CHL1: variants seen among roughly 807,000 people sequenced by gnomAD.
CHL1 encodes cell adhesion molecule L1 like, also known as neural cell adhesion molecule L1-like protein.
Under a neutral mutation model 141.9 loss-of-function variants are expected in CHL1, and 96 were observed. The ratio of observed to expected loss-of-function variants is 0.68; its 90% CI spans 0.57 to 0.80. The LOEUF is 0.80. Ranked by LOEUF, CHL1 falls within the 30% of genes least tolerant of loss-of-function variation. The probability of loss-of-function intolerance (pLI) is 0.00; values close to 1 mark genes in which losing one functional copy is unlikely to be tolerated. For synonymous variants in CHL1, 613 were observed against 502.2 expected (o/e 1.22, Z -2.95); for missense variants, 1,820 against 1,457.2 (o/e 1.25, Z -4.05).
chr3:230,124 G>C (rs1701731532), intron 1 of CHL1, among the ~76,000 whole-genome samples: 3 of 152,168 alleles, frequency 2.0e-5, no homozygotes, highest in Admixed American at 1.3e-4. Context: ...TCTGTTACCA[G>C]AGCTTCAAAA....
chr3:204,756 C>T (rs986821394), intron 1 of CHL1, among the ~76,000 whole-genome samples: 1 of 152,060 alleles, frequency 6.6e-6, no homozygotes, highest in African/African-American at 2.4e-5. Context: ...ATACTGGATG[C>T]TGCATTTCCA....
chr3:337,523 C>G lies in CHL1; in HGVS notation c.386-3271C>G, dbSNP rs544221844. ...CAATGCTATCCCTCCCCTCTCCCCC[C>G]ACCCCACAACAGGCCCCGGTGTGTG... On this transcript the variant is annotated intron_variant, in intron 5 of 27. Coordinates refer to ENST00000256509, the MANE Select transcript of CHL1 (RefSeq NM_006614.4). Among the ~76,000 whole-genome samples the G allele has an allele frequency of 6.6e-5, 10 of 151,384 alleles. No homozygotes were observed. In the East Asian group the frequency reaches 1.2e-3, roughly 18 times the overall value.
chr3:384,830 T>G (rs565662738), intron 19 of CHL1, among the ~76,000 whole-genome samples: 2 of 152,350 alleles, frequency 1.3e-5, no homozygotes, highest in East Asian at 3.9e-4. Flanking sequence ...GGGAGAATTT[T>G]AGAATGCACA....
At chr3:345,268 G>T (rs942234053) in intron 9 of CHL1, among the ~76,000 whole-genome samples, 1 of 151,822 alleles carries the variant, frequency 6.6e-6, no homozygotes, top group African/African-American at 2.4e-5. Context: ...CCCCACTCCT[G>T]TTTGCTATGT....
rs572952748 is a variant in CHL1 at position 340,723 on chromosome 3, A to C, written c.386-71A>C. 3.0e-5 allele frequency: 37 copies of C among 1,248,824 alleles called. No homozygotes were observed. In the African/African-American group the frequency reaches 4.8e-4, roughly 16 times the overall value. 77.4% of individuals were successfully genotyped at this position (1,248,824 alleles called of 1,614,324 possible). A position where few individuals can be genotyped will look rare whatever the true frequency, so the allele number is the denominator to read the frequency against. ...TTGCTGAATTTTGAAAAAAAAGAAC[A>C]TATTAAGATATTTGTTGTTATAGTC... On this transcript the variant is annotated intron_variant, in intron 5 of 27. Transcript: ENST00000256509.
chr3:300,370 G>C (rs1336079524), intron 2 of CHL1, among the ~76,000 whole-genome samples: 1 of 152,122 alleles, frequency 6.6e-6, no homozygotes, highest in African/African-American at 2.4e-5. Context: ...AACTGGCTCT[G>C]ATGCAAACAG....
intron 5 of CHL1, among the ~76,000 whole-genome samples, chr3:339,032 G>C (rs1236053388): frequency 2.0e-5 from 3 of 152,122 alleles, no homozygotes; most frequent in Non-Finnish European, 4.4e-5. Context: ...GCTTGTTATC[G>C]AAGTGGATTA....
chr3:214,307 C>T (rs1184504591), intron 1 of CHL1, among the ~76,000 whole-genome samples: 3 of 152,116 alleles, frequency 2.0e-5, no homozygotes, highest in Non-Finnish European at 4.4e-5. Context: ...CCTAGGCACT[C>T]AGGTAAGGCT....
intron 1 of CHL1, among the ~76,000 whole-genome samples, chr3:206,439 C>T (rs1395235923): frequency 6.6e-6 from 1 of 151,744 alleles, no homozygotes; most frequent in African/African-American, 2.4e-5. Context: ...GCACTCCAGC[C>T]TGGGTGACAG....
intron 27 of CHL1, among the ~76,000 whole-genome samples, chr3:402,849 C>T (rs888952029): frequency 1.3e-5 from 2 of 152,092 alleles, no homozygotes; most frequent in Non-Finnish European, 2.9e-5. Flanking sequence ...TGGAACTTCA[C>T]GAATTGTGAT....
intron 3 of CHL1, among the ~76,000 whole-genome samples, chr3:324,349 A>G (rs1221310114): frequency 1.2e-4 from 19 of 152,068 alleles, no homozygotes; most frequent in Admixed American, 1.2e-3. Flanking sequence ...CTGCTGCGAA[A>G]CAGTTTTCAT....
rs765684124 is a variant in CHL1, at chr3:342,978, T to G, written c.680-6T>G. 15 of 1,605,108 alleles carry G rather than the reference T, an allele frequency of 9.3e-6. No homozygotes were observed. The highest frequency in any genetic ancestry group is 1.3e-5 in the Non-Finnish European group (15 of 1,176,870). ...TGTGTTTTTTCCTTCCGTTTTTTTA[T>G]TTCAGTAAAGCATGCTAATGACTCA... On this transcript the variant is annotated splice_region_variant and splice_polypyrimidine_tract_variant and intron_variant, in intron 7 of 27. Coordinates refer to ENST00000256509, the MANE Select transcript of CHL1 (RefSeq NM_006614.4).
intron 11 of CHL1, among the ~76,000 whole-genome samples, chr3:360,038 G>C (rs1162923289): frequency 1.3e-5 from 2 of 152,148 alleles, no homozygotes; most frequent in African/African-American, 2.4e-5. Flanking sequence ...GAAATTCTGG[G>C]AGGTCCAGAT....
At chr3:359,385 C>T in intron 11 of CHL1, among the ~76,000 whole-genome samples, 1 of 152,026 alleles carries the variant, frequency 6.6e-6, no homozygotes, top group Non-Finnish European at 1.5e-5. Context: ...CTCACTGTAA[C>T]CTCCACCTCC....
intron 1 of CHL1, among the ~76,000 whole-genome samples, chr3:231,151 G>T (rs1028397855): frequency 6.6e-6 from 1 of 152,106 alleles, no homozygotes; most frequent in Admixed American, 6.6e-5. Flanking sequence ...CAGGAATTTT[G>T]TGCAGTAAAA....
At chr3:274,129 T>C (rs1695879067) in intron 2 of CHL1, among the ~76,000 whole-genome samples, 1 of 152,214 alleles carries the variant, frequency 6.6e-6, no homozygotes, top group Non-Finnish European at 1.5e-5. Flanking sequence ...TTGCATGTAC[T>C]CATTTGTCGT....
chr3:383,410 A>G (rs1038845962), intron 18 of CHL1, among the ~76,000 whole-genome samples: 1 of 152,204 alleles, frequency 6.6e-6, no homozygotes, highest in Non-Finnish European at 1.5e-5. Flanking sequence ...TGTTTACTTT[A>G]TTCTTCTACA....
intron 3 of CHL1, among the ~76,000 whole-genome samples, chr3:325,055 G>A (rs903436601): frequency 1.5e-4 from 22 of 151,050 alleles, no homozygotes; most frequent in African/African-American, 5.4e-4. Context: ...AATTCTCTAA[G>A]GAAACAGAAC....
chr3:314,368 T>TATATATATATATA (rs1368911821), intron 2 of CHL1, among the ~76,000 whole-genome samples: 6 of 134,054 alleles, frequency 4.5e-5, no homozygotes, highest in African/African-American at 1.4e-4. Context: ...TATATATATA[T>TATATATATATATA]ATCTGCTTCA....
Sources: allele counts gnomAD v4.1 joint callset (sites outside exome capture counted in the v4.1 genomes callset), GRCh38; gene constraint gnomAD v4.1.1; transcripts MANE v1.5; gene names NCBI Gene and HGNC (gene_info 2026-07-23, HGNC 2026-07-21).